Variants in ARID3A observed in about 807,000 individuals in gnomAD.
ARID3A encodes the protein AT-rich interaction domain 3A.
In ARID3A, 11 loss-of-function variants were observed where a neutral mutation model predicts 52.7. The observed-to-expected ratio is 0.21, with a 90% confidence interval of 0.13 to 0.35. The LOEUF is 0.35. Ranked by LOEUF, ARID3A falls within the 10% of genes least tolerant of loss-of-function variation. ARID3A has a pLI of 1.00. For missense variants in ARID3A, 721 were observed against 838.5 expected (o/e 0.86, Z 1.73); for synonymous variants, 404 against 359.4 (o/e 1.12, Z -1.40).
chr19:931,686 G>A (rs1443896251), intron 2 of ARID3A, among the ~76,000 whole-genome samples: 4 of 151,780 alleles, frequency 2.6e-5, no homozygotes, highest in Admixed American at 1.3e-4. Context: ...GGTGGCGGGC[G>A]CCTGTAGTCC....
chr19:925,969 G>T (rs2037186591), upstream of ARID3A: 1 of 151,596 alleles, frequency 6.6e-6, no homozygotes, highest in Non-Finnish European at 1.5e-5. Context: ...GTCTGGGGGT[G>T]GGGGAGGGGC....
At chr19:940,425 C>A (rs1297933064) in intron 3 of ARID3A, among the ~76,000 whole-genome samples, 1 of 151,900 alleles carries the variant, frequency 6.6e-6, no homozygotes, top group Non-Finnish European at 1.5e-5. Flanking sequence ...GTGGGCAGAG[C>A]TTGAGGGCAC....
intron 1 of ARID3A, among the ~76,000 whole-genome samples, chr19:926,699 G>A (rs1188978825): frequency 2.0e-5 from 3 of 150,880 alleles, no homozygotes; most frequent in Non-Finnish European, 3.0e-5. Flanking sequence ...GGTTGGGCCC[G>A]GGCGCCCGGT....
At chr19:943,034 C>G (rs1483417806) in intron 3 of ARID3A, among the ~76,000 whole-genome samples, 1 of 152,096 alleles carries the variant, frequency 6.6e-6, no homozygotes, top group African/African-American at 2.4e-5. Flanking sequence ...TTTGGAAGGC[C>G]AAGACGGGAG....
In ARID3A at chr19:966,798, A is replaced by C. The variant is rs777713031; in HGVS notation, c.1425A>C (p.Gln475His). ...CCGATGAGCAGCAACGGCTGATGCA[A>C]CGTGCACTCCAGCAGAACTTCCTGG... ...LVADEQQRLM[Q>H]RALQQNFLAM... Residue 475 changes from glutamine (Q) to histidine (H), a missense_variant, in exon 7 of 9, where the codon CAA becomes CAC. Gln to His is a conservative substitution (Grantham distance 24). Transcript: ENST00000263620. 6.2e-7 allele frequency: 1 copy of C among 1,613,696 alleles called. No individual in the cohort carries two copies. The highest frequency in any genetic ancestry group is 8.5e-7 in the Non-Finnish European group (1 of 1,180,016).
chr19:935,285 G>A (rs959748547), intron 3 of ARID3A, among the ~76,000 whole-genome samples: 2 of 151,620 alleles, frequency 1.3e-5, no homozygotes, highest in East Asian at 1.9e-4. Flanking sequence ...GCAGGCTCAG[G>A]GCCACGGGTT....
chr19:927,362 C>T (rs1263934300), intron 1 of ARID3A, among the ~76,000 whole-genome samples: 1 of 149,826 alleles, frequency 6.7e-6, no homozygotes, highest in Non-Finnish European at 1.5e-5. Flanking sequence ...AGGGTTATGG[C>T]GGCGATGGGG....
At chr19:961,763 A>T (rs1433276694) in intron 4 of ARID3A, 7 of 152,266 alleles carry the variant, frequency 4.6e-5, no homozygotes, top group African/African-American at 1.7e-4. Flanking sequence ...TACTAAAAGT[A>T]CAAAAATTGA....
intron 6 of ARID3A, among the ~76,000 whole-genome samples, chr19:965,978 T>G (rs1599425599): frequency 4.3e-5 from 5 of 116,554 alleles, no homozygotes; most frequent in African/African-American, 1.4e-4. Context: ...AGCGACAGAG[T>G]GAGACTCCGT....
intron 3 of ARID3A, among the ~76,000 whole-genome samples, chr19:937,017 C>T (rs2037451645): frequency 6.6e-6 from 1 of 152,126 alleles, no homozygotes; most frequent in Admixed American, 6.6e-5. Flanking sequence ...CCTGTAATCC[C>T]TGTACTTTGG....
rs548502898 is a variant in ARID3A, at chr19:930,404, T to A, written c.368+508T>A. ...CCATCTCTACTAAAAATACAAAAAT[T>A]AGCCAGGCGTGGTGGCAGAAGCCTG... On this transcript the variant is annotated intron_variant, in intron 2 of 8. Transcript: ENST00000263620. Among the ~76,000 whole-genome samples the A allele has an allele frequency of 2.9e-3, 428 of 145,454 alleles. 1 individual carries two copies. The highest frequency in any genetic ancestry group is 6.3e-3 in the Admixed American group (92 of 14,684).
intron 3 of ARID3A, among the ~76,000 whole-genome samples, chr19:945,426 G>A (rs2238575): frequency 0.12 from 18,540 of 151,954 alleles, 1,226 homozygotes; most frequent in East Asian, 0.26. Flanking sequence ...GCTCCCTAGC[G>A]GGGAGGTGTC....
At chr19:931,957 A>G (rs2145353636) in intron 2 of ARID3A, among the ~76,000 whole-genome samples, 1 of 150,952 alleles carries the variant, frequency 6.6e-6, no homozygotes, top group Middle Eastern at 3.4e-3. Flanking sequence ...CTGGGACAGC[A>G]TGCATGGTGC....
At chr19:934,873 G>A (rs912518450) in intron 3 of ARID3A, among the ~76,000 whole-genome samples, 1 of 152,238 alleles carries the variant, frequency 6.6e-6, no homozygotes, top group Non-Finnish European at 1.5e-5. Context: ...TTCCCAAAGT[G>A]CTGGGATTAC....
At chr19:961,122 C>G (rs1238050604) in intron 4 of ARID3A, among the ~76,000 whole-genome samples, 1 of 152,210 alleles carries the variant, frequency 6.6e-6, no homozygotes, top group African/African-American at 2.4e-5. Context: ...CCGATCCCCA[C>G]TGTTCAGACG....
chr19:967,667 C>G (rs561596149), intron 7 of ARID3A, among the ~76,000 whole-genome samples: 1 of 152,318 alleles, frequency 6.6e-6, no homozygotes, highest in South Asian at 2.1e-4. Context: ...ATGTGACAGA[C>G]ACCGTCTACA....
Position 974,481 on chromosome 19 carries a change from C to T in ARID3A, c.*2416C>T, listed in dbSNP as rs1326855719. On this transcript the variant is annotated 3_prime_UTR_variant, in exon 9 of 9. Transcript: ENST00000263620. ...CTCCTCTCCCGGGACCCCCGTCCCA[C>T]GCCTGGGCCCCGCGCCGGGGGAAGC... 5.6e-5 allele frequency: 13 copies of T among 230,866 alleles called. No individual in the cohort carries two copies. In the East Asian group the frequency reaches 6.1e-4, roughly 11 times the overall value. 14.3% of individuals were successfully genotyped at this position (230,866 alleles called of 1,614,324 possible). A position where few individuals can be genotyped will look rare whatever the true frequency, so the allele number is the denominator to read the frequency against.
At chr19:951,248 C>T (rs2037797600) in intron 3 of ARID3A, among the ~76,000 whole-genome samples, 1 of 151,778 alleles carries the variant, frequency 6.6e-6, no homozygotes, top group South Asian at 2.1e-4. Context: ...TGAGCCACCA[C>T]ACCCAGCCTT....
chr19:931,865 C>T (rs973542143), intron 2 of ARID3A, among the ~76,000 whole-genome samples: 49 of 150,978 alleles, frequency 3.2e-4, no homozygotes, highest in African/African-American at 9.7e-4. Context: ...AGGAGGGTGC[C>T]GTGGAGGGGC....
Sources: gnomAD v4.1 joint callset for allele counts (sites outside exome capture counted in the v4.1 genomes callset) on GRCh38, gnomAD v4.1.1 for gene constraint, MANE v1.5 for transcripts, NCBI Gene and HGNC (gene_info 2026-07-23, HGNC 2026-07-21) for gene names.